CDH22: variants seen among roughly 807,000 people sequenced by gnomAD.
The protein encoded by CDH22 is cadherin 22, also known as cadherin-22.
Under a neutral mutation model 58.4 loss-of-function variants are expected in CDH22, and 30 were observed. That is an observed-to-expected ratio of 0.51 (90% CI 0.38 to 0.70). CDH22 has a LOEUF of 0.70. Ranked by LOEUF, CDH22 falls within the 30% of genes least tolerant of loss-of-function variation. The pLI, the probability that CDH22 is intolerant of heterozygous loss-of-function variation, is 0.00. For synonymous variants in CDH22, 513 were observed against 558.2 expected (o/e 0.92, Z 1.14); for missense variants, 1,014 against 1,233.9 (o/e 0.82, Z 2.67).
chr20:46,292,184 TGCTGA>T (rs1169547552), intron 1 of CDH22, among the ~76,000 whole-genome samples: 1 of 152,228 alleles, frequency 6.6e-6, no homozygotes, highest in Non-Finnish European at 1.5e-5. Flanking sequence ...AAGGCATGCC[TGCTGA>T]GCTTTCCCAC....
intron 8 of CDH22, among the ~76,000 whole-genome samples, chr20:46,193,049 G>T (rs1045394341): frequency 3.3e-5 from 5 of 152,112 alleles, no homozygotes; most frequent in Admixed American, 2.6e-4. Context: ...CTCCAAGGAA[G>T]GGGTGGGGGA....
intron 1 of CDH22, among the ~76,000 whole-genome samples, chr20:46,298,202 A>G (rs1031089149): frequency 6.6e-6 from 1 of 152,154 alleles, no homozygotes; most frequent in African/African-American, 2.4e-5. Flanking sequence ...TGGAAATAGA[A>G]AAAAAAAGGC....
Position 46,251,313 on chromosome 20 carries a change from TG to T in CDH22, c.-20del, listed in dbSNP as rs1223720418. 1.4e-6 allele frequency: 2 copies of T among 1,438,316 alleles called. No homozygotes were observed. Among genetic ancestry groups the T allele is most frequent in the South Asian group, 2.8e-5 (2 of 71,550 alleles). The allele number at this position is 1,438,316 out of a possible 1,614,324, so 89.1% of individuals were successfully genotyped here. ...GCCTCATCCTTGGCCTGCGCGGGGCTGGGGCCCAGGAGCATGGACGAGAGGC... is the reference window on the plus strand; with the variant it reads ...GCCTCATCCTTGGCCTGCGCGGGGCTGGGCCCAGGAGCATGGACGAGAGGC... On this transcript the variant is annotated 5_prime_UTR_variant, in exon 2 of 12. Coordinates refer to ENST00000537909, the MANE Select transcript of CDH22 (RefSeq NM_021248.3). The surrounding 1 kb of genome is among the most constrained non-coding windows in gnomAD (Gnocchi z 6.7).
intron 1 of CDH22, among the ~76,000 whole-genome samples, chr20:46,301,960 G>A (rs1019788513): frequency 2.0e-5 from 3 of 152,160 alleles, no homozygotes; most frequent in South Asian, 2.1e-4. Flanking sequence ...CCCCACCAGC[G>A]GGTGCATCCT....
intron 2 of CDH22, among the ~76,000 whole-genome samples, chr20:46,243,587 C>T (rs572845312): frequency 6.6e-5 from 10 of 152,132 alleles, no homozygotes; most frequent in Non-Finnish European, 1.2e-4. Flanking sequence ...TTCAGGACAT[C>T]GGCCCTGAAT....
chr20:46,203,299 A>C lies in CDH22; in HGVS notation c.1287-3740T>G, dbSNP rs1202509432. On this transcript the variant is annotated intron_variant, in intron 7 of 11. Coordinates refer to ENST00000537909, the MANE Select transcript of CDH22 (RefSeq NM_021248.3). The stretch of plus-strand genomic sequence containing the variant: ...GGGGTGGGAGGAAGCAGTGTGTGGC[A>C]GGGACTGTGGCCTGGCAAACTTAGG... Among the ~76,000 whole-genome samples, 10 of 56,446 alleles carry C rather than the reference A, an allele frequency of 1.8e-4. No homozygotes were observed. The Admixed American group carries it at 2.8e-3, about 16-fold the overall frequency. The allele number at this position is 56,446 out of a possible 152,430, so 37.0% of individuals were successfully genotyped here. A position where few individuals can be genotyped will look rare whatever the true frequency, so the allele number is the denominator to read the frequency against.
At chr20:46,265,043 C>G (rs914025403) in intron 1 of CDH22, among the ~76,000 whole-genome samples, 1 of 152,194 alleles carries the variant, frequency 6.6e-6, no homozygotes, top group Non-Finnish European at 1.5e-5. Context: ...CCACCCTGCC[C>G]GTGTGCCGGT....
chr20:46,303,896 C>A (rs1483316922), intron 1 of CDH22, among the ~76,000 whole-genome samples: 1 of 152,096 alleles, frequency 6.6e-6, no homozygotes, highest in Non-Finnish European at 1.5e-5. Context: ...CTCTGGTTGC[C>A]GCAGGGGTTG....
At chr20:46,208,532 G>T (rs1279838122) in intron 7 of CDH22, among the ~76,000 whole-genome samples, 1 of 151,116 alleles carries the variant, frequency 6.6e-6, no homozygotes, top group Non-Finnish European at 1.5e-5. Context: ...ACATCTCTGT[G>T]AGTCTGTTTT....
Position 46,191,445 on chromosome 20 carries a change from G to T in CDH22, c.1424-4498C>A, listed in dbSNP as rs965042363. Among the ~76,000 whole-genome samples the T allele has an allele frequency of 2.0e-5, 3 of 152,148 alleles. No homozygotes were observed. In the East Asian group the frequency reaches 5.8e-4, roughly 29 times the overall value. On this transcript the variant is annotated intron_variant, in intron 8 of 11. Transcript: ENST00000537909. The stretch of plus-strand genomic sequence containing the variant: ...TGGGGATGGGGATGGGGGCCAATGG[G>T]AAGGCAAGAGGAGACGGGGCCTGGC...
intron 1 of CDH22, among the ~76,000 whole-genome samples, chr20:46,294,008 C>T (rs1202517846): frequency 6.6e-6 from 1 of 152,128 alleles, no homozygotes; most frequent in Non-Finnish European, 1.5e-5. Context: ...GAGCGAGGCT[C>T]CATCTCAAAA....
chr20:46,263,922 G>A (rs2086446340), intron 1 of CDH22, among the ~76,000 whole-genome samples: 1 of 152,210 alleles, frequency 6.6e-6, no homozygotes, highest in Non-Finnish European at 1.5e-5. Context: ...TGAGAAGGTG[G>A]TGGCAGCATC....
intron 10 of CDH22, among the ~76,000 whole-genome samples, chr20:46,185,788 C>T: frequency 6.6e-6 from 1 of 152,186 alleles, no homozygotes; most frequent in East Asian, 1.9e-4. Flanking sequence ...CTGCTTGAGC[C>T]TAGGAGATCA....
chr20:46,210,832 C>G lies in CDH22; in HGVS notation c.1033-272G>C, dbSNP rs550382417. Among the ~76,000 whole-genome samples, 94 of 152,342 alleles carry G rather than the reference C, an allele frequency of 6.2e-4. No homozygotes were observed. The highest frequency in any genetic ancestry group is 2.2e-3 in the African/African-American group (91 of 41,592). On this transcript the variant is annotated intron_variant, in intron 6 of 11. Coordinates refer to ENST00000537909, the MANE Select transcript of CDH22 (RefSeq NM_021248.3). This position sits in a 1 kb window ranked among gnomAD's most constrained non-coding sequence, Gnocchi z 4.5. The stretch of plus-strand genomic sequence containing the variant: ...CACCCAAACTTCCTGCTTCCCAGCG[C>G]AGTGTTGGCGGCATATTTCATTAGT...
intron 1 of CDH22, among the ~76,000 whole-genome samples, chr20:46,271,737 G>A (rs1419288676): frequency 6.6e-6 from 1 of 152,136 alleles, no homozygotes; most frequent in Non-Finnish European, 1.5e-5. Flanking sequence ...CTCTAATAAT[G>A]CCTTCTGTAA....
chr20:46,294,683 TCCC>T, intron 1 of CDH22, among the ~76,000 whole-genome samples: 1 of 151,786 alleles, frequency 6.6e-6, no homozygotes, highest in Non-Finnish European at 1.5e-5. Context: ...TCCACAGGGC[TCCC>T]CCCAACCTCT....
rs754371390 is a variant in CDH22 at position 46,199,478 on chromosome 20, C to A, written c.1368G>T (p.Gly456=). 3.1e-6 allele frequency: 5 copies of A among 1,613,866 alleles called. No homozygotes were observed. Among genetic ancestry groups the A allele is most frequent in the Non-Finnish European group, 4.2e-6 (5 of 1,179,984 alleles). The change falls in exon 8 of 12, where the codon GGG becomes GGT. Residue 456 remains glycine, a synonymous_variant. Coordinates refer to ENST00000537909, the MANE Select transcript of CDH22 (RefSeq NM_021248.3). ...GCCAGCCGGCCGTCTCGCGGTCCAG[C>A]CCCTTGCCAGTCACGATGGCGCCTG... is the stretch of plus-strand genomic sequence containing the variant. ...ADTGAIVTGK[G]LDRETAGWHN...
intron 1 of CDH22, among the ~76,000 whole-genome samples, chr20:46,288,921 C>G (rs1456031848): frequency 1.3e-5 from 2 of 152,250 alleles, no homozygotes; most frequent in African/African-American, 2.4e-5. Context: ...AGACTGTTCT[C>G]AGTTATGGTG....
chr20:46,261,797 C>T (rs1225280778), intron 1 of CDH22, among the ~76,000 whole-genome samples: 4 of 152,226 alleles, frequency 2.6e-5, no homozygotes, highest in South Asian at 4.1e-4. Flanking sequence ...GAATAGCTCC[C>T]GGTGTAATGC....
Sources: gnomAD v4.1 joint callset for allele counts (sites outside exome capture counted in the v4.1 genomes callset) on GRCh38, gnomAD v4.1.1 for gene constraint, Gnocchi (gnomAD v3.1) non-coding constraint, MANE v1.5 for transcripts, NCBI Gene and HGNC (gene_info 2026-07-23, HGNC 2026-07-21) for gene names.